Variants in ZNF469 observed in about 807,000 individuals in gnomAD.
The protein encoded by ZNF469 is zinc finger protein 469.
A neutral mutation model predicts 1.0 loss-of-function variants in ZNF469; 1 was observed. The observed-to-expected ratio is 1.00, with a 90% CI of 0.35 to 4.73. The LOEUF is 4.73. ZNF469 is among the 30% of genes most tolerant of loss of function. The probability of loss-of-function intolerance (pLI) is 0.16; values close to 1 mark genes in which losing one functional copy is unlikely to be tolerated. For synonymous variants in ZNF469, 2,703 were observed against 2,363.4 expected (o/e 1.14, Z -4.17); for missense variants, 6,100 against 5,356.3 (o/e 1.14, Z -4.33).
the ZNF469 span, among the ~76,000 whole-genome samples, chr16:88,330,772 C>T: frequency 1.3e-5 from 2 of 152,224 alleles, no homozygotes; most frequent in African/African-American, 4.8e-5. Flanking sequence ...AGGCCAGCCA[C>T]TGCCGCATGC....
At chr16:88,365,506 G>A in the ZNF469 span, among the ~76,000 whole-genome samples, 6 of 152,252 alleles carry the variant, frequency 3.9e-5, no homozygotes, top group African/African-American at 1.4e-4. Flanking sequence ...CTAGCATGGG[G>A]GAGCTGTCTT....
At chr16:88,192,873 GAT>G in the ZNF469 span, among the ~76,000 whole-genome samples, 3 of 148,704 alleles carry the variant, frequency 2.0e-5, no homozygotes, top group African/African-American at 2.5e-5. Context: ...CGGTGGTGGT[GAT>G]GATGATGATG....
At chr16:88,167,354 G>A in the ZNF469 span, among the ~76,000 whole-genome samples, 3,651 of 152,250 alleles carry the variant, frequency 0.024, 145 homozygotes, top group African/African-American at 0.084. Flanking sequence ...GAGCCACCAT[G>A]CCCCGCTCGC....
the ZNF469 span, among the ~76,000 whole-genome samples, chr16:88,351,735 C>G: frequency 1.3e-5 from 2 of 152,184 alleles, no homozygotes; most frequent in South Asian, 2.1e-4. Flanking sequence ...GCTCCTCCCC[C>G]ACCAGCAGGG....
At chr16:88,417,902 G>C (rs185316116) in intron 1 of ZNF469, among the ~76,000 whole-genome samples, 1 of 152,210 alleles carries the variant, frequency 6.6e-6, no homozygotes, top group Non-Finnish European at 1.5e-5. Context: ...ATGTGCTCAC[G>C]CGTGTGCATG....
At chr16:88,186,813 G>C in the ZNF469 span, among the ~76,000 whole-genome samples, 1 of 152,242 alleles carries the variant, frequency 6.6e-6, no homozygotes, top group Non-Finnish European at 1.5e-5. Context: ...CAGGGTTCTG[G>C]CGGGGCGGGG....
intron 1 of ZNF469, among the ~76,000 whole-genome samples, chr16:88,406,045 G>A (rs535101357): frequency 1.8e-4 from 27 of 152,324 alleles, no homozygotes; most frequent in Non-Finnish European, 2.4e-4. Flanking sequence ...GGAAGGTGGC[G>A]GGAGCCAGGG....
chr16:88,192,811 A>ACGGTGATGGTGGTGGTGGTGG, the ZNF469 span, among the ~76,000 whole-genome samples: 1 of 49,420 alleles, frequency 2.0e-5, no homozygotes, highest in African/African-American at 7.3e-5. Context: ...GATGGTAATG[A>ACGGTGATGGTGGTGGTGGTGG]TGGTGATGGT....
At chr16:88,123,561 C>G in the ZNF469 span, among the ~76,000 whole-genome samples, 167 of 152,170 alleles carry the variant, frequency 1.1e-3, no homozygotes, top group African/African-American at 3.9e-3. Context: ...GTTTTCATTT[C>G]TCTTGGGTGA....
the ZNF469 span, among the ~76,000 whole-genome samples, chr16:88,272,106 G>T: frequency 2.0e-5 from 3 of 151,484 alleles, no homozygotes; most frequent in African/African-American, 7.3e-5. Flanking sequence ...TAGATGAGTG[G>T]GTAGATGGAT....
the ZNF469 span, among the ~76,000 whole-genome samples, chr16:88,351,612 T>C: frequency 2.0e-5 from 3 of 152,108 alleles, no homozygotes; most frequent in African/African-American, 7.2e-5. Flanking sequence ...GACGCTCCAA[T>C]GACACTGACC....
chr16:88,275,121 G>A, the ZNF469 span, among the ~76,000 whole-genome samples: 1 of 152,178 alleles, frequency 6.6e-6, no homozygotes, highest in Non-Finnish European at 1.5e-5. Context: ...TCTGCAACCT[G>A]GAAACGATTA....
the ZNF469 span, among the ~76,000 whole-genome samples, chr16:88,247,611 AATGTT>A: frequency 1.1e-4 from 15 of 131,790 alleles, no homozygotes; most frequent in East Asian, 4.7e-4. Context: ...TGAGTGAGTG[AATGTT>A]TGATTGAATG....
At chr16:88,282,094 A>T in the ZNF469 span, among the ~76,000 whole-genome samples, 2 of 152,232 alleles carry the variant, frequency 1.3e-5, no homozygotes, top group African/African-American at 4.8e-5. Flanking sequence ...TGTATAGTGT[A>T]GGGTAGTCCA....
chr16:88,166,782 C>CACACACACACACA, the ZNF469 span, among the ~76,000 whole-genome samples: 1 of 151,488 alleles, frequency 6.6e-6, no homozygotes, highest in African/African-American at 2.4e-5. The surrounding 1 kb of genome is among the most constrained non-coding windows in gnomAD (Gnocchi z 4.5). Flanking sequence ...AACACACACA[C>CACACACACACACA]ACACACACAC....
In ZNF469 at chr16:88,428,742, C is replaced by T; in HGVS notation, c.1272C>T (p.Asp424=). ...SGVDTSPGPP[D]TELAAPGPPP... ...TGGACACCAGCCCGGGGCCTCCGGA[C>T]ACCGAGCTGGCCGCCCCAGGGCCCC... Residue 424 remains aspartate, a synonymous_variant, in exon 3 of 3, where the codon GAC becomes GAT. Transcript: ENST00000565624. 1 of 1,546,910 alleles carries T rather than the reference C, an allele frequency of 6.5e-7. No individual in the cohort carries two copies. The highest frequency in any genetic ancestry group is 1.2e-5 in the South Asian group (1 of 84,036).
chr16:88,403,367 C>T (rs547965927), intron 1 of ZNF469, among the ~76,000 whole-genome samples: 30 of 152,330 alleles, frequency 2.0e-4, no homozygotes, highest in Admixed American at 3.3e-4. Flanking sequence ...CTCTGGGTTC[C>T]GTCTCGCACT....
chr16:88,271,226 T>C, the ZNF469 span, among the ~76,000 whole-genome samples: 1 of 150,176 alleles, frequency 6.7e-6, no homozygotes, highest in African/African-American at 2.4e-5. Flanking sequence ...GTCATCATCT[T>C]TGTTGGTAAT....
chr16:88,122,201 A>G, the ZNF469 span, among the ~76,000 whole-genome samples: 5 of 118,220 alleles, frequency 4.2e-5, no homozygotes, highest in East Asian at 7.0e-4. Context: ...CCGTCACTCA[A>G]TAGGGCCACG....
Sources: allele counts gnomAD v4.1 joint callset (sites outside exome capture counted in the v4.1 genomes callset), GRCh38; gene constraint gnomAD v4.1.1; non-coding constraint Gnocchi (gnomAD v3.1); transcripts MANE v1.5; gene names NCBI Gene and HGNC (gene_info 2026-07-23, HGNC 2026-07-21).